GTF2A1: variants seen among roughly 807,000 people sequenced by gnomAD.
GTF2A1 encodes the protein transcription initiation factor IIA subunit 1.
In GTF2A1, 12 loss-of-function variants were observed where a neutral mutation model predicts 54.1. The observed-to-expected ratio is 0.22, with a 90% CI of 0.14 to 0.36. The LOEUF (loss-of-function observed/expected upper bound fraction) is 0.36, where lower values mean the gene tolerates loss of function less well. Ranked by LOEUF, GTF2A1 falls within the 10% of genes least tolerant of loss-of-function variation. The pLI is 1.00. For synonymous variants in GTF2A1, 145 were observed against 152.0 expected (o/e 0.95, Z 0.34); for missense variants, 335 against 442.2 (o/e 0.76, Z 2.17).
intron 2 of GTF2A1, 47 bp downstream of exon 2, chr14:81,216,366 T>A: frequency 1.2e-6 from 1 of 828,024 alleles, no homozygotes; most frequent in East Asian, 2.5e-5. Flanking sequence ...AAAGAAAATG[T>A]TTTGTGGGGG....
In GTF2A1 at chr14:81,203,919, A is replaced by G. The variant is rs1893170543; in HGVS notation, c.318T>C (p.Leu106=). The change falls in exon 3 of 9, where the codon CTT becomes CTC. Residue 106 remains leucine, a synonymous_variant. Transcript: ENST00000553612. ...TCTCACCTTGCTGTGATGCAGGAAT[A>G]AGAACCTGCTGGGTCTGCGCTTGCT... ...VPQQAQTQQV[L]IPASQQATAP... The G allele has an allele frequency of 4.3e-6, 7 of 1,613,608 alleles. No individual in the cohort carries two copies. The highest frequency in any genetic ancestry group is 5.9e-6 in the Non-Finnish European group (7 of 1,179,598).
intron 2 of GTF2A1, among the ~76,000 whole-genome samples, chr14:81,210,195 T>C (rs1046377932): frequency 8.5e-5 from 13 of 152,198 alleles, no homozygotes; most frequent in African/African-American, 3.1e-4. Flanking sequence ...TACCAAGTAC[T>C]ATAATACTGG....
intron 2 of GTF2A1, chr14:81,209,739 C>G: frequency 2.7e-6 from 1 of 367,298 alleles, no homozygotes; most frequent in Non-Finnish European, 5.3e-6. Flanking sequence ...CCTTAATAGA[C>G]TATTCCTTAC....
chr14:81,199,620 A>G (rs950789700), intron 4 of GTF2A1, among the ~76,000 whole-genome samples: 1 of 152,250 alleles, frequency 6.6e-6, no homozygotes, highest in Non-Finnish European at 1.5e-5. Flanking sequence ...AAATACATGA[A>G]GGAAACACTG....
rs1892514691 is a variant in GTF2A1 at position 81,175,814 on chromosome 14, T to C, written c.*4409A>G. 6.6e-6 allele frequency: 1 copy of C among 152,192 alleles called. No individual in the cohort carries two copies. The highest frequency in any genetic ancestry group is 2.1e-4 in the South Asian group (1 of 4,838). The allele number at this position is 152,192 out of a possible 1,614,324, so 9.4% of individuals were successfully genotyped here. ...AATACAATATGTTAATTATTAATAT[T>C]TCACAAGGAGTAATCTTTATTTTGA... On this transcript the variant is annotated 3_prime_UTR_variant, in exon 9 of 9. Coordinates refer to ENST00000553612, the MANE Select transcript of GTF2A1 (RefSeq NM_015859.4).
chr14:81,185,731 T>C, intron 7 of GTF2A1, 111 bp from the exon 8 acceptor site: 1 of 535,366 alleles, frequency 1.9e-6, no homozygotes, highest in Non-Finnish European at 3.3e-6. Flanking sequence ...AATGCATATA[T>C]GTACGCCATG....
intron 7 of GTF2A1, among the ~76,000 whole-genome samples, chr14:81,185,871 T>C (rs1346160386): frequency 1.3e-5 from 2 of 152,234 alleles, no homozygotes; most frequent in African/African-American, 4.8e-5. Flanking sequence ...TATTTTCTTC[T>C]TTCTTTTTTT....
intron 1 of GTF2A1, among the ~76,000 whole-genome samples, 177 bp downstream of exon 1, chr14:81,220,312 C>G (rs1427540407): frequency 2.1e-5 from 3 of 145,384 alleles, no homozygotes; most frequent in Non-Finnish European, 4.6e-5. Context: ...CGCCCCCCCG[C>G]GCCCGCCGCC....
intron 7 of GTF2A1, among the ~76,000 whole-genome samples, chr14:81,192,310 T>C (rs1234775266): frequency 6.6e-6 from 1 of 152,254 alleles, no homozygotes; most frequent in African/African-American, 2.4e-5. Context: ...TATTACCAGC[T>C]ATATGAAAGT....
chr14:81,219,034 T>C (rs1430715857), intron 1 of GTF2A1, among the ~76,000 whole-genome samples: 6 of 152,190 alleles, frequency 3.9e-5, no homozygotes, highest in African/African-American at 1.4e-4. Flanking sequence ...ACATTTTCCA[T>C]GTAGAAAGCA....
At chr14:81,212,940 G>A (rs1893405733) in intron 2 of GTF2A1, among the ~76,000 whole-genome samples, 1 of 152,014 alleles carries the variant, frequency 6.6e-6, no homozygotes, top group African/African-American at 2.4e-5. Flanking sequence ...TTAAATCTAG[G>A]GCATATTCTA....
intron 1 of GTF2A1, among the ~76,000 whole-genome samples, chr14:81,219,955 G>A (rs1170406269): frequency 6.6e-6 from 1 of 151,984 alleles, no homozygotes; most frequent in African/African-American, 2.4e-5. Context: ...AATGGCCTCA[G>A]AGAAGGTTCC....
intron 4 of GTF2A1, among the ~76,000 whole-genome samples, chr14:81,200,151 T>C (rs1479055203): frequency 2.0e-5 from 3 of 152,198 alleles, no homozygotes; most frequent in Non-Finnish European, 4.4e-5. Flanking sequence ...TCTACTATCA[T>C]GTAGAAACTT....
At position 81,192,603 on chromosome 14, in the gene GTF2A1, T is replaced by C; in HGVS notation, c.849A>G (p.Glu283=). ...CATAGTCTTCTTCTTCATCTTCATC[T>C]TCTTCAGATGATGTATCCCCAGTTC... ...VDGTGDTSSE[E]DEDEEEDYDD... The change falls in exon 7 of 9, where the codon GAA becomes GAG. Residue 283 remains glutamate, a synonymous_variant. Transcript: ENST00000553612. 4 of 1,609,686 alleles carry C rather than the reference T, an allele frequency of 2.5e-6. No individual in the cohort carries two copies. The highest frequency in any genetic ancestry group is 3.4e-6 in the Non-Finnish European group (4 of 1,175,826).
Position 81,220,889 on chromosome 14 carries a change from TTC to T in GTF2A1, c.-373_-372del, listed in dbSNP as rs1893627473. The stretch of plus-strand genomic sequence containing the variant: ...AGCTCCAGCCGTCCGGTCCGCCCGC[TTC>T]TCTCCTTTATATAGCGAGCCAACAA... On this transcript the variant is annotated 5_prime_UTR_variant, in exon 1 of 9. Transcript: ENST00000553612. 4.3e-6 allele frequency: 1 copy of T among 230,504 alleles called. No homozygotes were observed. The allele number at this position is 230,504 out of a possible 1,614,324, so 14.3% of individuals were successfully genotyped here.
At chr14:81,202,708 C>G (rs764557700) in intron 3 of GTF2A1, 5 of 516,570 alleles carry the variant, frequency 9.7e-6, no homozygotes, top group Non-Finnish European at 3.9e-6. Context: ...TGTTTGATTC[C>G]GCAAATTTCA....
In GTF2A1 at chr14:81,181,299, A is replaced by G. The variant is rs554800564; in HGVS notation, c.1024-969T>C. Among the ~76,000 whole-genome samples, 4 of 152,268 alleles carry G rather than the reference A, an allele frequency of 2.6e-5. No homozygotes were observed. In the East Asian group the frequency reaches 7.7e-4, roughly 29 times the overall value. Reference sequence around the variant, plus strand: ...TGTTCAAGTTCCACATCTTCTGCAAAGAAGGCCCCCTGGTTCTCCCTATTC... The same window carrying G: ...TGTTCAAGTTCCACATCTTCTGCAAGGAAGGCCCCCTGGTTCTCCCTATTC... On this transcript the variant is annotated intron_variant, in intron 8 of 8. Transcript: ENST00000553612.
rs2140141875 is a variant in GTF2A1, at chr14:81,177,483, C to T, written c.*2740G>A. ...AAGAGTTTGTATACTGAAAGGCACA[C>T]ATTTCCATGTTTTATCTTGTAATTT... On this transcript the variant is annotated 3_prime_UTR_variant, in exon 9 of 9. Transcript: ENST00000553612. 1 of 152,228 alleles carries T rather than the reference C, an allele frequency of 6.6e-6. No homozygotes were observed. The highest frequency in any genetic ancestry group is 2.4e-5 in the African/African-American group (1 of 41,556). The allele number at this position is 152,228 out of a possible 1,614,324, so 9.4% of individuals were successfully genotyped here.
At chr14:81,189,389 T>A (rs1892821607) in intron 7 of GTF2A1, among the ~76,000 whole-genome samples, 1 of 152,124 alleles carries the variant, frequency 6.6e-6, no homozygotes, top group Non-Finnish European at 1.5e-5. Flanking sequence ...ATGGATCAAG[T>A]GGCCAGGCGC....
Sources: gnomAD v4.1 joint callset for allele counts (sites outside exome capture counted in the v4.1 genomes callset) on GRCh38, gnomAD v4.1.1 for gene constraint, MANE v1.5 for transcripts, NCBI Gene and HGNC (gene_info 2026-07-23, HGNC 2026-07-21) for gene names.